Variants in HTR1F observed in about 807,000 individuals in gnomAD.
The protein encoded by HTR1F is 5-hydroxytryptamine (serotonin) receptor 1F, G protein-coupled.
Under a neutral mutation model 24.0 loss-of-function variants are expected in HTR1F, and 17 were observed. That is an observed-to-expected ratio of 0.71 (90% confidence interval 0.48 to 1.06). The LOEUF (loss-of-function observed/expected upper bound fraction) is 1.06. Among genes scored for constraint, HTR1F ranks in the 50% least tolerant of loss-of-function variants. The pLI, the probability that HTR1F is intolerant of heterozygous loss-of-function variation, is 0.00. For missense variants in HTR1F, 391 were observed against 427.8 expected, an observed-to-expected ratio of 0.91 and a Z score of 0.76; for synonymous variants, 186 against 156.8, an observed-to-expected ratio of 1.19 and a Z score of -1.39.
chr3:87,874,418 G>A lies in HTR1F; in HGVS notation c.-43+52294G>A, dbSNP rs116768952. Among the ~76,000 whole-genome samples the A allele has an allele frequency of 1.4e-3, 220 of 151,966 alleles. 1 individual carries two copies. Among genetic ancestry groups the A allele is most frequent in the African/African-American group, 5.1e-3 (211 of 41,466 alleles). Reference sequence around the variant, plus strand: ...AGCATCACAAAGAATAAAATACTTGGGAATAACTTAACTAAGAAGGGAAAA... The same window carrying A: ...AGCATCACAAAGAATAAAATACTTGAGAATAACTTAACTAAGAAGGGAAAA... On this transcript the variant is annotated intron_variant, in intron 2 of 2. Coordinates refer to ENST00000319595, the MANE Select transcript of HTR1F (RefSeq NM_001322209.2).
chr3:87,932,019 C>A (rs557488575), intron 2 of HTR1F, among the ~76,000 whole-genome samples: 34 of 152,106 alleles, frequency 2.2e-4, no homozygotes, highest in Non-Finnish European at 4.7e-4. Context: ...ATGGTAGTTT[C>A]TTTTGCTGTG....
intron 2 of HTR1F, among the ~76,000 whole-genome samples, chr3:87,835,811 T>A (rs1045476705): frequency 6.6e-6 from 1 of 152,186 alleles, no homozygotes; most frequent in Non-Finnish European, 1.5e-5. Context: ...CCATTTTTGT[T>A]CTTTGTGAAT....
intron 2 of HTR1F, among the ~76,000 whole-genome samples, chr3:87,884,462 T>C (rs1305921632): frequency 6.6e-6 from 1 of 152,130 alleles, no homozygotes; most frequent in Non-Finnish European, 1.5e-5. Flanking sequence ...AAGAACCAGC[T>C]AACATCATAA....
intron 2 of HTR1F, among the ~76,000 whole-genome samples, chr3:87,899,953 T>G (rs1004672751): frequency 6.6e-6 from 1 of 152,042 alleles, no homozygotes; most frequent in Non-Finnish European, 1.5e-5. Context: ...ACTATCTACA[T>G]AGGCTCTACA....
chr3:87,848,401 AC>A (rs1704996964), intron 2 of HTR1F, among the ~76,000 whole-genome samples: 1 of 151,548 alleles, frequency 6.6e-6, no homozygotes, highest in South Asian at 2.1e-4. Flanking sequence ...AATTCCTTGT[AC>A]ATTTTGGATA....
chr3:87,822,758 C>T (rs1704384121), intron 2 of HTR1F, among the ~76,000 whole-genome samples: 1 of 152,170 alleles, frequency 6.6e-6, no homozygotes, highest in East Asian at 1.9e-4. Flanking sequence ...ACAAGCCATA[C>T]GTGTTGCCTC....
chr3:87,911,357 A>G (rs937736861), intron 2 of HTR1F, among the ~76,000 whole-genome samples: 1 of 152,184 alleles, frequency 6.6e-6, no homozygotes, highest in Non-Finnish European at 1.5e-5. Flanking sequence ...TACAATCTAG[A>G]AAACCTAGAA....
intron 2 of HTR1F, among the ~76,000 whole-genome samples, chr3:87,941,480 C>A (rs990942172): frequency 6.6e-6 from 1 of 152,090 alleles, no homozygotes; most frequent in Non-Finnish European, 1.5e-5. Flanking sequence ...AATTTAAGAG[C>A]GCTTGGGTGG....
At chr3:87,880,290 G>T (rs1405094990) in intron 2 of HTR1F, among the ~76,000 whole-genome samples, 3 of 152,038 alleles carry the variant, frequency 2.0e-5, no homozygotes, top group African/African-American at 7.2e-5. Context: ...GTATCAAATT[G>T]TACACTTTAA....
chr3:87,952,140 T>G (rs563049958), intron 2 of HTR1F, among the ~76,000 whole-genome samples: 1 of 152,148 alleles, frequency 6.6e-6, no homozygotes, highest in East Asian at 1.9e-4. Flanking sequence ...TGAGTCCTGA[T>G]ATCAATATTT....
chr3:87,869,994 G>C (rs1394029591), intron 2 of HTR1F, among the ~76,000 whole-genome samples: 1 of 151,934 alleles, frequency 6.6e-6, no homozygotes, highest in Non-Finnish European at 1.5e-5. Context: ...GTAAACTATA[G>C]TAAAAATTAT....
At chr3:87,888,310 G>C (rs903473830) in intron 2 of HTR1F, among the ~76,000 whole-genome samples, 1 of 152,146 alleles carries the variant, frequency 6.6e-6, no homozygotes, top group African/African-American at 2.4e-5. Flanking sequence ...CACACACCGG[G>C]GCCTGTTGTA....
Position 87,991,631 on chromosome 3 carries a change from C to G in HTR1F, c.882C>G (p.Thr294=). Residue 294 remains threonine, a synonymous_variant, in exon 3 of 3, where the codon ACC becomes ACG. Transcript: ENST00000319595. ...CAAGAGAACGGAAAGCAGCCACTACCCTGGGATTAATCTTGGGTGCATTTG... is the reference window on the plus strand; with the variant it reads ...CAAGAGAACGGAAAGCAGCCACTACGCTGGGATTAATCTTGGGTGCATTTG... ...SGTRERKAAT[T]LGLILGAFVI... The G allele has an allele frequency of 6.2e-7, 1 of 1,613,698 alleles. No homozygotes were observed. The highest frequency in any genetic ancestry group is 8.5e-7 in the Non-Finnish European group (1 of 1,179,842).
intron 2 of HTR1F, among the ~76,000 whole-genome samples, chr3:87,870,747 A>C (rs1705535316): frequency 1.3e-5 from 2 of 152,112 alleles, no homozygotes; most frequent in Non-Finnish European, 2.9e-5. Flanking sequence ...GCACCAGAGA[A>C]ACCACAGTAC....
intron 2 of HTR1F, among the ~76,000 whole-genome samples, chr3:87,964,761 T>C (rs1000182481): frequency 9.9e-5 from 15 of 152,166 alleles, no homozygotes; most frequent in Admixed American, 9.8e-4. Context: ...GTCCTCTGAG[T>C]AGCCCAGCTA....
intron 2 of HTR1F, among the ~76,000 whole-genome samples, chr3:87,983,039 G>A (rs1423881141): frequency 6.6e-6 from 1 of 152,124 alleles, no homozygotes; most frequent in Non-Finnish European, 1.5e-5. Flanking sequence ...TTATGAAATG[G>A]ATGGAAGTCA....
chr3:87,840,596 G>A (rs1481520386), intron 2 of HTR1F, among the ~76,000 whole-genome samples: 1 of 151,988 alleles, frequency 6.6e-6, no homozygotes, highest in African/African-American at 2.4e-5. Flanking sequence ...CCCACTACTG[G>A]AGTATACCCA....
intron 2 of HTR1F, among the ~76,000 whole-genome samples, chr3:87,832,835 T>A (rs1704610604): frequency 6.6e-6 from 1 of 152,234 alleles, no homozygotes; most frequent in Non-Finnish European, 1.5e-5. Flanking sequence ...TATTTGAAAC[T>A]TTTATCAAGA....
intron 2 of HTR1F, among the ~76,000 whole-genome samples, chr3:87,942,928 T>C (rs1464132053): frequency 1.3e-5 from 2 of 152,168 alleles, no homozygotes; most frequent in African/African-American, 2.4e-5. Context: ...TGGCCTTCAA[T>C]AGAATCAGGT....
Sources: gnomAD v4.1 joint callset for allele counts (sites outside exome capture counted in the v4.1 genomes callset) on GRCh38, gnomAD v4.1.1 for gene constraint, MANE v1.5 for transcripts, NCBI Gene and HGNC (gene_info 2026-07-23, HGNC 2026-07-21) for gene names.